Variants in SMARCC2 observed in about 807,000 individuals in gnomAD.
SMARCC2 encodes the protein SWI/SNF related BAF chromatin remodeling complex subunit C2.
Under a neutral mutation model 151.3 loss-of-function variants are expected in SMARCC2, and 15 were observed. The observed-to-expected ratio is 0.10, with a 90% CI of 0.07 to 0.15. The LOEUF (loss-of-function observed/expected upper bound fraction) is 0.15, where lower values mean the gene tolerates loss of function less well. SMARCC2 is among the 10% of genes least tolerant of loss of function. The probability of loss-of-function intolerance (pLI) is 1.00; values close to 1 mark genes in which losing one functional copy is unlikely to be tolerated. For missense variants in SMARCC2, 1,031 were observed against 1,599.7 expected, an observed-to-expected ratio of 0.64 and a Z score of 6.06; for synonymous variants, 590 against 609.5, an observed-to-expected ratio of 0.97 and a Z score of 0.47.
chr12:56,173,247 G>T (rs976975655), intron 17 of SMARCC2, among the ~76,000 whole-genome samples: 1 of 152,076 alleles, frequency 6.6e-6, no homozygotes, highest in Non-Finnish European at 1.5e-5. Context: ...GGACAATTAG[G>T]TTCTAATCCT....
In SMARCC2 at chr12:56,163,235, CTT is replaced by C. The variant is rs955623006; in HGVS notation, c.*452_*453del. 6.6e-6 allele frequency: 1 copy of C among 151,912 alleles called. No individual in the cohort carries two copies. Among genetic ancestry groups the C allele is most frequent in the Admixed American group, 6.6e-5 (1 of 15,234 alleles). The allele number at this position is 151,912 out of a possible 1,614,324, so 9.4% of individuals were successfully genotyped here. On this transcript the variant is annotated 3_prime_UTR_variant, in exon 29 of 29. Coordinates refer to ENST00000550164, the MANE Select transcript of SMARCC2 (RefSeq NM_001330288.2). ...AGCTCTCCCTGGAATCTTAATTCCC[CTT>C]TCCTAAAACTCACTCCCCCTCAAAA...
Position 56,174,776 on chromosome 12 carries a change from G to A in SMARCC2, c.1383-12C>T, listed in dbSNP as rs112798117. 2 of 1,505,464 alleles carry A rather than the reference G, an allele frequency of 1.3e-6. No homozygotes were observed. Among genetic ancestry groups the A allele is most frequent in the African/African-American group, 1.4e-5 (1 of 72,590 alleles). The allele number at this position is 1,505,464 out of a possible 1,614,324, so 93.3% of individuals were successfully genotyped here. On this transcript the variant is annotated splice_polypyrimidine_tract_variant and intron_variant, in intron 15 of 28. Transcript: ENST00000550164. ...GATAGGCCAGGTAGCTTAGAAGAAA[G>A]AGAGAGAGAAACAAGAAGAAGAAAA...
At chr12:56,174,965 G>A (rs961784440) in intron 15 of SMARCC2, among the ~76,000 whole-genome samples, 15 of 151,922 alleles carry the variant, frequency 9.9e-5, no homozygotes, top group African/African-American at 3.4e-4. Context: ...CCTTGATGGG[G>A]TTTTCTTTAA....
chr12:56,172,829 C>T, intron 18 of SMARCC2, 108 bp downstream of exon 18: 2 of 1,562,912 alleles, frequency 1.3e-6, no homozygotes, highest in Non-Finnish European at 1.8e-6. Flanking sequence ...GGTGGGACTT[C>T]CTCCCTTACT....
At chr12:56,173,641 T>G in intron 17 of SMARCC2, 55 bp downstream of exon 17, 1 of 1,507,004 alleles carries the variant, frequency 6.6e-7, no homozygotes. Flanking sequence ...AAAAGAAAAG[T>G]TCAAAGAAGC....
rs777203029 is a variant in SMARCC2 at position 56,189,346 on chromosome 12, C to G, written c.111+5G>C. The G allele has an allele frequency of 4.7e-6, 7 of 1,497,764 alleles. No homozygotes were observed. The highest frequency in any genetic ancestry group is 3.7e-5 in the South Asian group (3 of 80,270). The allele number at this position is 1,497,764 out of a possible 1,614,324, so 92.8% of individuals were successfully genotyped here. ...TCCCCGCGCGGCCCGGCCCGGCCCG[C>G]GTACCTTCTTGTAGTTCTTGCCGAG... is the stretch of plus-strand genomic sequence containing the variant. On this transcript the variant is annotated splice_donor_5th_base_variant and intron_variant, in intron 1 of 28. Coordinates refer to ENST00000550164, the MANE Select transcript of SMARCC2 (RefSeq NM_001330288.2).
intron 18 of SMARCC2, 110 bp downstream of exon 18, chr12:56,172,827 T>C (rs1874209927): frequency 1.3e-6 from 2 of 1,565,166 alleles, no homozygotes; most frequent in Non-Finnish European, 1.7e-6. Context: ...TGGGTGGGAC[T>C]TCCTCCCTTA....
intron 8 of SMARCC2, 27 bp downstream of exon 8, chr12:56,181,977 G>C (rs1221129106): frequency 6.3e-7 from 1 of 1,595,134 alleles, no homozygotes; most frequent in Non-Finnish European, 8.6e-7. Flanking sequence ...TTCTTTTTGG[G>C]GAAGAGGGGA....
chr12:56,189,291 A>T, intron 1 of SMARCC2, 60 bp downstream of exon 1: 1 of 1,085,668 alleles, frequency 9.2e-7, no homozygotes, highest in Non-Finnish European at 1.3e-6. Flanking sequence ...CCGGGGCTGC[A>T]GGGCCGCGGT....
At position 56,170,211 on chromosome 12, in the gene SMARCC2, G is replaced by A. The variant is rs1022158547; in HGVS notation, c.2348-3C>T. 4.3e-6 allele frequency: 7 copies of A among 1,612,652 alleles called. No homozygotes were observed. The African/African-American group carries it at 8.0e-5, about 18-fold the overall frequency. Reference sequence around the variant, plus strand: ...AGCCTCGTCATTCCCGCTCTCCTCTGGGCCCATGAGAAAAGAAAGAAAACA... The same window carrying A: ...AGCCTCGTCATTCCCGCTCTCCTCTAGGCCCATGAGAAAAGAAAGAAAACA... On this transcript the variant is annotated splice_region_variant and splice_polypyrimidine_tract_variant and intron_variant, in intron 22 of 28. Transcript: ENST00000550164.
intron 1 of SMARCC2, among the ~76,000 whole-genome samples, chr12:56,189,121 G>C (rs992206182): frequency 8.0e-5 from 12 of 150,484 alleles, no homozygotes; most frequent in South Asian, 6.3e-4. Context: ...AAAAACAAGG[G>C]GCAGAGGGCG....
chr12:56,171,466 G>A lies in SMARCC2; in HGVS notation c.2186-34C>T. ...CCCAGAAAGAATGAGGCTGGGAGCG[G>A]CACAGTGGAACAGTTCTGGCAATCC... On this transcript the variant is annotated intron_variant, in intron 21 of 28. Coordinates refer to ENST00000550164, the MANE Select transcript of SMARCC2 (RefSeq NM_001330288.2). The surrounding 1 kb of genome is among the most constrained non-coding windows in gnomAD (Gnocchi z 4.2). The A allele has an allele frequency of 6.2e-7, 1 of 1,613,276 alleles. No homozygotes were observed. The highest frequency in any genetic ancestry group is 8.5e-7 in the Non-Finnish European group (1 of 1,179,276).
chr12:56,167,624 T>C (rs1873055516), intron 26 of SMARCC2, among the ~76,000 whole-genome samples: 1 of 152,136 alleles, frequency 6.6e-6, no homozygotes, highest in African/African-American at 2.4e-5. Flanking sequence ...TCATCATCCG[T>C]TACGCCCATT....
intron 10 of SMARCC2, 100 bp from the exon 11 acceptor site, chr12:56,181,201 G>A (rs1445362048): frequency 2.4e-6 from 3 of 1,239,598 alleles, no homozygotes; most frequent in Non-Finnish European, 2.3e-6. Context: ...GAATTCCAAG[G>A]GTAGAGCTGA....
At chr12:56,188,552 AG>A (rs1057094263) in intron 1 of SMARCC2, among the ~76,000 whole-genome samples, 1 of 152,244 alleles carries the variant, frequency 6.6e-6, no homozygotes, top group Non-Finnish European at 1.5e-5. Flanking sequence ...TAGAAAAGAC[AG>A]GTAAGGATTC....
chr12:56,165,561 G>A lies in SMARCC2; in HGVS notation c.2989C>T (p.Pro997Ser). Residue 997 changes from proline (P) to serine (S), a missense_variant, in exon 27 of 29, where the codon CCC becomes TCC. By Grantham distance (74) the Pro-to-Ser change is moderately conservative. Around this residue, in one of 12 missense-constraint regions of SMARCC2, gnomAD observed 310 missense variants for 350.0 expected, o/e 0.89. Transcript: ENST00000550164. The part of the protein sequence containing the change: ...QQQQQPPPAL[P>S]PGSQPIPPTG... ...GGGGGGATAGGCTGGGAGCCTGGGG[G>A]CAGGGCTGGTGGTGGCTGCTGCTGC... 2 of 1,613,102 alleles carry A rather than the reference G, an allele frequency of 1.2e-6. No individual in the cohort carries two copies. The highest frequency in any genetic ancestry group is 1.7e-6 in the Non-Finnish European group (2 of 1,179,908).
intron 15 of SMARCC2, among the ~76,000 whole-genome samples, chr12:56,176,819 T>G (rs552898155): frequency 6.7e-6 from 1 of 149,684 alleles, no homozygotes; most frequent in South Asian, 2.1e-4. Context: ...TTTTTTTGTT[T>G]TTGTTTTTTT....
intron 26 of SMARCC2, among the ~76,000 whole-genome samples, 160 bp from the exon 27 acceptor site, chr12:56,165,859 G>A (rs543779495): frequency 1.2e-4 from 18 of 152,246 alleles, no homozygotes; most frequent in South Asian, 6.2e-4. Context: ...CTCCCCACCC[G>A]ACTTCGTGCA....
rs138923102 is a variant in SMARCC2 at position 56,186,238 on chromosome 12, G to T, written c.234C>A (p.Ile78=). Residue 78 remains isoleucine (I), a splice_region_variant and synonymous_variant, in exon 3 of 29, where the codon ATC becomes ATA. Transcript: ENST00000550164. ...VSNAPLTKLP[I]KCFLDFKAGG... is the part of the protein sequence containing the mutation. ...CCGCTTTGAAATCTAGGAAACATTT[G>T]ATCTACAAAATCAAGATACGGAAAA... 6 of 1,600,032 alleles carry T rather than the reference G, an allele frequency of 3.7e-6. No individual in the cohort carries two copies. The highest frequency in any genetic ancestry group is 5.1e-6 in the Non-Finnish European group (6 of 1,167,470).
Sources: gnomAD v4.1 joint callset for allele counts (sites outside exome capture counted in the v4.1 genomes callset) on GRCh38, gnomAD v4.1.1 for gene constraint, gnomAD v4.1.1 regional missense constraint, Gnocchi (gnomAD v3.1) non-coding constraint, MANE v1.5 for transcripts, NCBI Gene and HGNC (gene_info 2026-07-23, HGNC 2026-07-21) for gene names.